The following COL22A1 variants were observed in gnomAD, a reference collection of about 807,000 sequenced individuals.
COL22A1 encodes the protein collagen type XXII alpha 1 chain, also known as collagen alpha-1(XXII) chain.
COL22A1 carries 221 observed loss-of-function variants against 248.9 expected under a neutral mutation model. The ratio of observed to expected loss-of-function variants is 0.89; its 90% CI spans 0.80 to 0.99. COL22A1 has a LOEUF of 0.99. COL22A1 is among the 50% of genes least tolerant of loss of function. The pLI, the probability that COL22A1 is intolerant of heterozygous loss-of-function variation, is 0.00. For missense variants in COL22A1, 2,240 were observed against 2,179.0 expected (o/e 1.03, Z -0.56); for synonymous variants, 891 against 793.4 (o/e 1.12, Z -2.07).
intron 30 of COL22A1, among the ~76,000 whole-genome samples, chr8:138,705,506 C>T (rs1828353015): frequency 6.6e-6 from 1 of 152,138 alleles, no homozygotes. Flanking sequence ...AATTTTCAAC[C>T]CAGAATTTCA....
intron 22 of COL22A1, among the ~76,000 whole-genome samples, chr8:138,746,212 T>C (rs911875832): frequency 6.6e-6 from 1 of 152,152 alleles, no homozygotes; most frequent in African/African-American, 2.4e-5. Context: ...CCCCAACCCA[T>C]GTTTAGTGTC....
At chr8:138,779,442 A>C in intron 14 of COL22A1, 67 bp downstream of exon 14, 1 of 1,111,448 alleles carries the variant, frequency 9.0e-7, no homozygotes, top group East Asian at 2.4e-5. Context: ...CACCTAAAGC[A>C]ACTGGCTTTG....
At chr8:138,862,813 C>T (rs1822585757) in intron 3 of COL22A1, among the ~76,000 whole-genome samples, 1 of 149,482 alleles carries the variant, frequency 6.7e-6, no homozygotes, top group African/African-American at 2.5e-5. Flanking sequence ...TCAGAGAGCA[C>T]TTGTAATGTC....
intron 37 of COL22A1, among the ~76,000 whole-genome samples, chr8:138,685,971 AT>A (rs570615768): frequency 2.1e-4 from 32 of 152,092 alleles, no homozygotes; most frequent in Non-Finnish European, 4.0e-4. Flanking sequence ...ATCAGCCCTC[AT>A]TTCTGCTTGA....
At chr8:138,860,070 AC>A (rs1405082621) in intron 3 of COL22A1, among the ~76,000 whole-genome samples, 1 of 151,162 alleles carries the variant, frequency 6.6e-6, no homozygotes, top group African/African-American at 2.4e-5. Flanking sequence ...CAACCCCTTC[AC>A]CCACCCCACC....
intron 41 of COL22A1, among the ~76,000 whole-genome samples, chr8:138,666,373 C>G (rs1178752132): frequency 1.3e-5 from 2 of 152,200 alleles, no homozygotes; most frequent in Admixed American, 6.5e-5. Context: ...ATACATGGAT[C>G]ATCTCTCACT....
intron 22 of COL22A1, 67 bp downstream of exon 22, chr8:138,751,391 T>A: frequency 9.1e-7 from 1 of 1,098,210 alleles, no homozygotes; most frequent in Non-Finnish European, 1.4e-6. Flanking sequence ...CTTCTCTGCA[T>A]GGCATTATAA....
intron 50 of COL22A1, among the ~76,000 whole-genome samples, chr8:138,627,835 G>A (rs1820371695): frequency 6.6e-6 from 1 of 152,168 alleles, no homozygotes; most frequent in Non-Finnish European, 1.5e-5. Context: ...TATTTGCTAT[G>A]AAAGTCATAC....
At chr8:138,656,005 A>G in intron 44 of COL22A1, 61 bp from the exon 45 acceptor site, 1 of 1,376,762 alleles carries the variant, frequency 7.3e-7, no homozygotes, top group East Asian at 2.3e-5. Context: ...AATCCCAGGC[A>G]TCTTCAGAAA....
At chr8:138,725,936 A>G (rs1369239655) in intron 23 of COL22A1, among the ~76,000 whole-genome samples, 1 of 152,156 alleles carries the variant, frequency 6.6e-6, no homozygotes, top group African/African-American at 2.4e-5. Context: ...TTCTCTAGGT[A>G]TGGGGTGAGT....
intron 52 of COL22A1, chr8:138,620,696 C>T (rs10091242): frequency 0.79 from 120,009 of 152,118 alleles, 49,157 homozygotes; most frequent in Non-Finnish European, 0.9. Flanking sequence ...ATGTCACTGA[C>T]GCCTGACTCT....
chr8:138,773,590 C>T (rs898896902), intron 16 of COL22A1, among the ~76,000 whole-genome samples: 2 of 152,264 alleles, frequency 1.3e-5, no homozygotes, highest in African/African-American at 2.4e-5. Context: ...GACAGTAAAG[C>T]ACTGCACACC....
At chr8:138,716,980 A>G in intron 27 of COL22A1, 111 bp from the exon 28 acceptor site, 4 of 820,258 alleles carry the variant, frequency 4.9e-6, no homozygotes, top group Non-Finnish European at 8.5e-6. Context: ...ACAACCCTTA[A>G]TTTTCAAATA....
At chr8:138,697,049 G>A (rs1263037778) in intron 32 of COL22A1, among the ~76,000 whole-genome samples, 5 of 152,170 alleles carry the variant, frequency 3.3e-5, no homozygotes, top group Non-Finnish European at 7.3e-5. Context: ...TGCAGTGGCA[G>A]GAAGACAAAG....
At chr8:138,703,223 AAGT>A in intron 31 of COL22A1, 80 bp downstream of exon 31, 1 of 1,253,880 alleles carries the variant, frequency 8.0e-7, no homozygotes, top group Non-Finnish European at 1.2e-6. Flanking sequence ...ATTTAAAACT[AAGT>A]AGTGGCAGTT....
chr8:138,786,312 CAT>C (rs951863419), intron 12 of COL22A1, among the ~76,000 whole-genome samples: 3 of 152,122 alleles, frequency 2.0e-5, no homozygotes, highest in African/African-American at 7.2e-5. Flanking sequence ...GAGACGGTAA[CAT>C]CTCTTTTTGA....
chr8:138,901,358 G>GTTTTTTTTTTTTTTTTTTTTTTTTTTT (rs146670099), intron 1 of COL22A1, among the ~76,000 whole-genome samples: 1 of 131,514 alleles, frequency 7.6e-6, no homozygotes, highest in Non-Finnish European at 1.6e-5. Flanking sequence ...TTACTGGCAG[G>GTTTTTTTTTTTTTTTTTTTTTTTTTTT]TTTTTTTTTT....
intron 35 of COL22A1, among the ~76,000 whole-genome samples, chr8:138,692,040 G>C (rs1254783453): frequency 2.0e-5 from 3 of 150,012 alleles, no homozygotes; most frequent in Admixed American, 1.3e-4. Context: ...GCGTGCATTT[G>C]TGAAGGTGTG....
chr8:138,667,250 G>A (rs1222256046), intron 41 of COL22A1, among the ~76,000 whole-genome samples: 1 of 152,038 alleles, frequency 6.6e-6, no homozygotes, highest in East Asian at 1.9e-4. Flanking sequence ...CCCAGATTTG[G>A]GCCTTTGATA....
Sources: gnomAD v4.1 joint callset for allele counts (sites outside exome capture counted in the v4.1 genomes callset) on GRCh38, gnomAD v4.1.1 for gene constraint, MANE v1.5 for transcripts, NCBI Gene and HGNC (gene_info 2026-07-23, HGNC 2026-07-21) for gene names.